PRKN: variants seen among roughly 807,000 people sequenced by gnomAD.
PRKN encodes parkin RBR E3 ubiquitin protein ligase, also known as E3 ubiquitin-protein ligase parkin.
Under a neutral mutation model 59.5 loss-of-function variants are expected in PRKN, and 56 were observed. The observed-to-expected ratio is 0.94, with a 90% CI of 0.76 to 1.18. The LOEUF is 1.18. Ranked by LOEUF, PRKN falls within the 50% of genes most tolerant of loss-of-function variation. The pLI is 0.00. For missense variants in PRKN, 657 were observed against 596.4 expected (o/e 1.10, Z -1.06); for synonymous variants, 250 against 222.1 (o/e 1.13, Z -1.12).
chr6:162,715,517 C>A (rs572406578), intron 1 of PRKN, among the ~76,000 whole-genome samples: 1 of 152,238 alleles, frequency 6.6e-6, no homozygotes, highest in African/African-American at 2.4e-5. Flanking sequence ...GTTTAAAGAT[C>A]CTAAGTGGGA....
rs921251710 is a variant in PRKN, at chr6:161,518,725, C to A, written c.1083+30129G>T. The stretch of plus-strand genomic sequence containing the variant: ...TTTCCACACATCCTCCTGCCTGCTG[C>A]AGAGGGCCGGCGGTGTGCCTTGATA... On this transcript the variant is annotated intron_variant, in intron 9 of 11. Coordinates refer to ENST00000366898, the MANE Select transcript of PRKN (RefSeq NM_004562.3). This position sits in a 1 kb window ranked among gnomAD's most constrained non-coding sequence, Gnocchi z 5.0. Among the ~76,000 whole-genome samples the A allele has an allele frequency of 2.0e-5, 3 of 152,342 alleles. No individual in the cohort carries two copies. In the South Asian group the frequency reaches 6.2e-4, roughly 32 times the overall value.
chr6:162,103,929 G>A (rs1780083491), intron 4 of PRKN, among the ~76,000 whole-genome samples: 1 of 152,174 alleles, frequency 6.6e-6, no homozygotes, highest in Non-Finnish European at 1.5e-5. Context: ...GGCCTTATAC[G>A]ATTTAAGCTG....
intron 2 of PRKN, among the ~76,000 whole-genome samples, chr6:162,301,928 AC>A (rs1218713061): frequency 6.6e-6 from 1 of 151,992 alleles, no homozygotes; most frequent in East Asian, 1.9e-4. Flanking sequence ...ATTTCCAACT[AC>A]CTACGCAATA....
At chr6:161,641,592 C>A (rs1045067232) in intron 7 of PRKN, among the ~76,000 whole-genome samples, 1 of 152,194 alleles carries the variant, frequency 6.6e-6, no homozygotes, top group Non-Finnish European at 1.5e-5. Flanking sequence ...TCCCGTACAG[C>A]CAGATCTGTG....
At chr6:161,839,450 G>A (rs1251027670) in intron 6 of PRKN, among the ~76,000 whole-genome samples, 3 of 152,124 alleles carry the variant, frequency 2.0e-5, no homozygotes, top group African/African-American at 7.2e-5. Flanking sequence ...CGTTCAGGGT[G>A]AGGGCTGGAG....
chr6:161,567,246 C>G (rs1780688766), intron 8 of PRKN, among the ~76,000 whole-genome samples: 1 of 152,000 alleles, frequency 6.6e-6, no homozygotes, highest in Admixed American at 6.6e-5. Context: ...CACTATTTCA[C>G]TATGTTGGCC....
At chr6:161,555,404 C>G (rs951741868) in intron 8 of PRKN, among the ~76,000 whole-genome samples, 1 of 141,168 alleles carries the variant, frequency 7.1e-6, no homozygotes. Flanking sequence ...AGAGTTTTAC[C>G]TTGTTCCTTT....
intron 6 of PRKN, among the ~76,000 whole-genome samples, chr6:161,804,777 A>T (rs970313069): frequency 4.6e-5 from 7 of 152,240 alleles, no homozygotes; most frequent in Non-Finnish European, 8.8e-5. Context: ...ATCTTCCAGC[A>T]CTTGGAAACA....
intron 1 of PRKN, among the ~76,000 whole-genome samples, chr6:162,624,154 A>C (rs1782787971): frequency 6.6e-6 from 1 of 151,352 alleles, no homozygotes; most frequent in African/African-American, 2.4e-5. Context: ...AGGCTGAGGC[A>C]GGAGAATCGC....
At chr6:162,661,719 T>G (rs1307355057) in intron 1 of PRKN, among the ~76,000 whole-genome samples, 2 of 152,242 alleles carry the variant, frequency 1.3e-5, no homozygotes, top group Non-Finnish European at 2.9e-5. Context: ...CGCGTATCTA[T>G]GTATTTAACA....
At chr6:162,294,073 A>G (rs1781554600) in intron 2 of PRKN, among the ~76,000 whole-genome samples, 1 of 151,706 alleles carries the variant, frequency 6.6e-6, no homozygotes, top group Admixed American at 6.6e-5. Context: ...GCAGCAGGAG[A>G]GATCAGAAGG....
intron 4 of PRKN, among the ~76,000 whole-genome samples, chr6:162,055,211 GGGGAGAGGGCA>G (rs1777809078): frequency 6.6e-6 from 1 of 152,166 alleles, no homozygotes; most frequent in African/African-American, 2.4e-5. Context: ...AAGGCAGATA[GGGGAGAGGGCA>G]CAGGGGATCA....
At chr6:162,623,368 T>C (rs1433879371) in intron 1 of PRKN, among the ~76,000 whole-genome samples, 2 of 152,324 alleles carry the variant, frequency 1.3e-5, no homozygotes, top group South Asian at 2.1e-4. Context: ...TAGATGAATG[T>C]TGCTATTATC....
intron 7 of PRKN, among the ~76,000 whole-genome samples, chr6:161,701,111 G>A (rs1396597553): frequency 3.3e-5 from 5 of 152,156 alleles, no homozygotes; most frequent in Admixed American, 3.3e-4. Flanking sequence ...GGTAAGAAAG[G>A]TGATAGGAAC....
intron 3 of PRKN, among the ~76,000 whole-genome samples, chr6:162,230,536 T>C (rs1308215052): frequency 6.6e-6 from 1 of 152,228 alleles, no homozygotes; most frequent in Non-Finnish European, 1.5e-5. Flanking sequence ...ACAATTTGAA[T>C]AATGCTCACC....
intron 4 of PRKN, among the ~76,000 whole-genome samples, chr6:162,165,517 C>T (rs1309546405): frequency 2.0e-5 from 3 of 148,990 alleles, no homozygotes; most frequent in Non-Finnish European, 3.0e-5. Flanking sequence ...AGAGACATCA[C>T]GAAAAGAAAA....
At chr6:161,728,222 T>G (rs1282862421) in intron 7 of PRKN, among the ~76,000 whole-genome samples, 3 of 149,292 alleles carry the variant, frequency 2.0e-5, no homozygotes, top group Non-Finnish European at 4.4e-5. Context: ...AGAATGATTG[T>G]TTTTCTCCTA....
chr6:162,295,021 A>G (rs1281220788), intron 2 of PRKN, among the ~76,000 whole-genome samples: 1 of 152,200 alleles, frequency 6.6e-6, no homozygotes, highest in Non-Finnish European at 1.5e-5. Flanking sequence ...TGGAACATAC[A>G]TTTAATATAC....
chr6:162,097,691 C>T (rs1030757131), intron 4 of PRKN, among the ~76,000 whole-genome samples: 1 of 152,184 alleles, frequency 6.6e-6, no homozygotes, highest in Non-Finnish European at 1.5e-5. Context: ...GAGCACACAG[C>T]CCCCAAAGCA....
Sources: gnomAD v4.1 joint callset for allele counts (sites outside exome capture counted in the v4.1 genomes callset) on GRCh38, gnomAD v4.1.1 for gene constraint, Gnocchi (gnomAD v3.1) non-coding constraint, MANE v1.5 for transcripts, NCBI Gene and HGNC (gene_info 2026-07-23, HGNC 2026-07-21) for gene names.